NPHP1: variants seen among roughly 807,000 people sequenced by gnomAD.
The protein encoded by NPHP1 is nephrocystin-1.
A neutral mutation model predicts 90.4 loss-of-function variants in NPHP1; 70 were observed. That is an observed-to-expected ratio of 0.77 (90% CI 0.64 to 0.95). NPHP1 has a LOEUF of 0.95. NPHP1 is among the 40% of genes least tolerant of loss of function. The pLI is 0.00. For missense variants in NPHP1, 764 were observed against 795.9 expected, an observed-to-expected ratio of 0.96 and a Z score of 0.48; for synonymous variants, 256 against 271.7, an observed-to-expected ratio of 0.94 and a Z score of 0.57.
In NPHP1 at chr2:110,201,491, C is replaced by T. The variant is rs1685576313; in HGVS notation, c.73G>A (p.Asp25Asn). 6.2e-7 allele frequency: 1 copy of T among 1,605,706 alleles called. No homozygotes were observed. The highest frequency in any genetic ancestry group is 8.5e-7 in the Non-Finnish European group (1 of 1,173,980). The change falls in exon 2 of 20, where the codon GAT becomes AAT. Residue 25 changes from aspartate (D) to asparagine (N), a missense_variant. Asp to Asn is a conservative substitution (Grantham distance 23). Transcript: ENST00000445609. The stretch of plus-strand genomic sequence containing the variant: ...AGTTGGCTCTCAGAAAGCAAACTAT[C>T]AACCTATGGAGACCATTTAAAATAT... ...RRNQELKQQV[D>N]SLLSESQLKE...
intron 2 of NPHP1, among the ~76,000 whole-genome samples, chr2:110,197,901 ATTAC>A (rs1227214292): frequency 2.0e-5 from 3 of 152,174 alleles, no homozygotes; most frequent in African/African-American, 7.2e-5. Context: ...AAGAAAATAA[ATTAC>A]TTATTACAAT....
chr2:110,156,551 A>T (rs1408835822), intron 11 of NPHP1, among the ~76,000 whole-genome samples: 4 of 152,126 alleles, frequency 2.6e-5, no homozygotes, highest in Admixed American at 6.5e-5. Context: ...AAAAAAAATA[A>T]ATCAGTGGAC....
At chr2:110,154,668 G>A (rs1681754602) in intron 11 of NPHP1, among the ~76,000 whole-genome samples, 1 of 152,106 alleles carries the variant, frequency 6.6e-6, no homozygotes, top group Non-Finnish European at 1.5e-5. Context: ...GAAGAGACTG[G>A]TGGCATTTTG....
chr2:110,184,610 C>A, intron 2 of NPHP1: 1 of 1,082,824 alleles, frequency 9.2e-7, no homozygotes, highest in Non-Finnish European at 1.4e-6. Context: ...GAATTGACAT[C>A]GCAAGCTGGA....
chr2:110,178,375 G>C (rs747848168), intron 4 of NPHP1, 48 bp downstream of exon 4: 1 of 1,546,422 alleles, frequency 6.5e-7, no homozygotes, highest in Admixed American at 1.7e-5. Flanking sequence ...AAAGCTATTG[G>C]TGATATATCT....
chr2:110,204,842 C>A, intron 1 of NPHP1, 58 bp downstream of exon 1: 3 of 1,567,824 alleles, frequency 1.9e-6, no homozygotes, highest in Non-Finnish European at 2.6e-6. Flanking sequence ...AGGCGCAGTG[C>A]GCGCAGCTGC....
chr2:110,197,195 G>C (rs1210762129), intron 2 of NPHP1, among the ~76,000 whole-genome samples: 1 of 152,074 alleles, frequency 6.6e-6, no homozygotes, highest in Admixed American at 6.5e-5. Context: ...TTAATACCTA[G>C]GTGATGGGAT....
At chr2:110,191,394 C>T (rs761740905) in intron 2 of NPHP1, among the ~76,000 whole-genome samples, 11 of 152,200 alleles carry the variant, frequency 7.2e-5, no homozygotes, top group Non-Finnish European at 1.0e-4. Context: ...GAGGGTCCTA[C>T]GCCCAGAGAG....
chr2:110,147,375 T>C (rs892929073), intron 13 of NPHP1, among the ~76,000 whole-genome samples: 2 of 152,080 alleles, frequency 1.3e-5, no homozygotes, highest in African/African-American at 4.8e-5. Flanking sequence ...TAATGTAACA[T>C]CTCTGTAACG....
In NPHP1 at chr2:110,125,188, C is replaced by T. The variant is rs568656656; in HGVS notation, c.1761+449G>A. 2.2e-5 allele frequency: 34 copies of T among 1,530,784 alleles called. No homozygotes were observed. The South Asian group carries it at 3.8e-4, about 17-fold the overall frequency. 94.8% of individuals were successfully genotyped at this position (1,530,784 alleles called of 1,614,324 possible). Reference sequence around the variant, plus strand: ...ATGAGAGCAGTCAAACCACGACTCACCGATTAAAGCAAGTTCGGATTGGTA... The same window carrying T: ...ATGAGAGCAGTCAAACCACGACTCATCGATTAAAGCAAGTTCGGATTGGTA... On this transcript the variant is annotated intron_variant, in intron 19 of 19. Transcript: ENST00000445609.
intron 8 of NPHP1, 132 bp from the exon 9 acceptor site, chr2:110,163,267 C>T (rs573783181): frequency 1.8e-5 from 13 of 709,832 alleles, no homozygotes; most frequent in African/African-American, 8.8e-5. Flanking sequence ...AAGAATAATA[C>T]GATTTGGCCC....
intron 2 of NPHP1, among the ~76,000 whole-genome samples, chr2:110,189,688 G>A (rs779319673): frequency 3.3e-5 from 5 of 152,078 alleles, no homozygotes; most frequent in African/African-American, 4.8e-5. Context: ...CCATTTTACA[G>A]AGAGCCGAGT....
chr2:110,194,579 C>T (rs981692260), intron 2 of NPHP1, among the ~76,000 whole-genome samples: 1 of 152,080 alleles, frequency 6.6e-6, no homozygotes, highest in Non-Finnish European at 1.5e-5. Flanking sequence ...ACCAGAGGTA[C>T]AAGGAGGAGC....
rs533848751 is a variant in NPHP1, at chr2:110,177,303, C to A, written c.329+1120G>T. Among the ~76,000 whole-genome samples, 19 of 152,218 alleles carry A rather than the reference C, an allele frequency of 1.2e-4. No homozygotes were observed. In the South Asian group the frequency reaches 3.9e-3, roughly 32 times the overall value. On this transcript the variant is annotated intron_variant, in intron 4 of 19. Coordinates refer to ENST00000445609, the MANE Select transcript of NPHP1 (RefSeq NM_001128178.3). Reference sequence around the variant, plus strand: ...CTAAGAATCGGTGGAAATTCTAGATCCTTGCATCTACCACCTTCAGCATTT... The same window carrying A: ...CTAAGAATCGGTGGAAATTCTAGATACTTGCATCTACCACCTTCAGCATTT...
rs147690402 is a variant in NPHP1, at chr2:110,129,414, G to C, written c.1643-155C>G. ...TTGACTTCTAGGAGAGCTCAAAGCT[G>C]TCCCTTCAACCTTCATTTGCCCCTA... On this transcript the variant is annotated intron_variant, in intron 17 of 19. Transcript: ENST00000445609. Among the ~76,000 whole-genome samples, 177 of 152,294 alleles carry C rather than the reference G, an allele frequency of 1.2e-3. 1 individual carries two copies. The highest frequency in any genetic ancestry group is 4.2e-3 in the African/African-American group (174 of 41,568).
chr2:110,137,903 T>C (rs1180464589), intron 16 of NPHP1, among the ~76,000 whole-genome samples: 2 of 150,770 alleles, frequency 1.3e-5, no homozygotes, highest in Non-Finnish European at 3.0e-5. Flanking sequence ...CTATTCACAA[T>C]AGCAAAGACT....
intron 2 of NPHP1, among the ~76,000 whole-genome samples, chr2:110,188,134 C>G (rs958881024): frequency 6.6e-6 from 1 of 152,160 alleles, no homozygotes; most frequent in African/African-American, 2.4e-5. Context: ...CTCATTGCTC[C>G]TATTCAATGC....
At chr2:110,180,817 A>G (rs779502939) in intron 2 of NPHP1, among the ~76,000 whole-genome samples, 5 of 152,252 alleles carry the variant, frequency 3.3e-5, no homozygotes, top group Non-Finnish European at 7.4e-5. Context: ...GATCTCTGCA[A>G]CCCACAGATC....
intron 4 of NPHP1, among the ~76,000 whole-genome samples, chr2:110,177,286 C>T (rs1051542488): frequency 5.3e-5 from 8 of 152,034 alleles, no homozygotes; most frequent in South Asian, 2.1e-4. Context: ...TACTAAGAAT[C>T]GGTGGAAATT....
Sources: gnomAD v4.1 joint callset for allele counts (sites outside exome capture counted in the v4.1 genomes callset) on GRCh38, gnomAD v4.1.1 for gene constraint, MANE v1.5 for transcripts, NCBI Gene and HGNC (gene_info 2026-07-23, HGNC 2026-07-21) for gene names.